Variants in ID3 observed in about 807,000 individuals in gnomAD.
ID3 encodes the protein DNA-binding protein inhibitor ID-3.
In ID3, 4 loss-of-function variants were observed where a neutral mutation model predicts 9.6. The ratio of observed to expected loss-of-function variants is 0.42; its 90% CI spans 0.21 to 0.96. The LOEUF (loss-of-function observed/expected upper bound fraction) is 0.96. Ranked by LOEUF, ID3 falls within the 40% of genes least tolerant of loss-of-function variation. ID3 has a pLI of 0.30. For synonymous variants in ID3, 108 were observed against 75.2 expected, an observed-to-expected ratio of 1.44 and a Z score of -2.26; for missense variants, 191 against 164.5, an observed-to-expected ratio of 1.16 and a Z score of -0.88.
intron 2 of ID3, chr1:23,558,636 GC>G (rs1348971710): frequency 1.5e-5 from 4 of 272,682 alleles, no homozygotes; most frequent in Non-Finnish European, 2.8e-5. Flanking sequence ...CTGGGAGGGG[GC>G]TGCCGAAGAC....
chr1:23,558,711 G>T (rs1474734684), intron 2 of ID3: 2 of 551,612 alleles, frequency 3.6e-6, no homozygotes, highest in Admixed American at 3.1e-5. Context: ...TACTTTGCCA[G>T]ACCCTCGGCC....
At position 23,559,412 on chromosome 1, in the gene ID3, G is replaced by T; in HGVS notation, c.15C>A (p.Ser5Arg). ...CCGCCTCGTAGCAGCCGCGCACCGGGCTCAGCGCCTTCATGCTGGGGAGTG... is the reference window on the plus strand; with the variant it reads ...CCGCCTCGTAGCAGCCGCGCACCGGTCTCAGCGCCTTCATGCTGGGGAGTG... MKALSPVRGCYEAVC... is the reference protein window; with the variant it reads MKALRPVRGCYEAVC... Residue 5 changes from serine to arginine, a missense_variant, in exon 1 of 3, where the codon AGC (serine) becomes AGA (arginine). Coordinates refer to ENST00000374561, the MANE Select transcript of ID3 (RefSeq NM_002167.5). 1 of 1,612,144 alleles carries T rather than the reference G, an allele frequency of 6.2e-7. No individual in the cohort carries two copies. Among genetic ancestry groups the T allele is most frequent in the Non-Finnish European group, 8.5e-7 (1 of 1,179,412 alleles).
rs1166908601 is a variant in ID3, at chr1:23,558,299, G to A, written c.*142C>T. The A allele has an allele frequency of 6.6e-6, 1 of 152,646 alleles. No individual in the cohort carries two copies. The highest frequency in any genetic ancestry group is 1.5e-5 in the Non-Finnish European group (1 of 68,336). 9.5% of individuals were successfully genotyped at this position (152,646 alleles called of 1,614,324 possible). A position where few individuals can be genotyped will look rare whatever the true frequency, so the allele number is the denominator to read the frequency against. On this transcript the variant is annotated 3_prime_UTR_variant, in exon 3 of 3. Transcript: ENST00000374561. Reference sequence around the variant, plus strand: ...CCTGAGCACCAGGTTTAGTCTCCAGGAAGGGATTTGGTGAAGTCAAGTGGG... The same window carrying A: ...CCTGAGCACCAGGTTTAGTCTCCAGAAAGGGATTTGGTGAAGTCAAGTGGG...
rs1248207066 is a variant in ID3, at chr1:23,558,002, C to T, written c.*439G>A. On this transcript the variant is annotated 3_prime_UTR_variant, in exon 3 of 3. Coordinates refer to ENST00000374561, the MANE Select transcript of ID3 (RefSeq NM_002167.5). ...AAGTTTAATATACATCGCATTGTTA[C>T]AGAAAGTCACCTTCCTGTAAAAAAG... The T allele has an allele frequency of 6.6e-6, 1 of 152,582 alleles. No homozygotes were observed. Among genetic ancestry groups the T allele is most frequent in the Non-Finnish European group, 1.5e-5 (1 of 68,022 alleles). 9.5% of individuals were successfully genotyped at this position (152,582 alleles called of 1,614,324 possible).
At chr1:23,558,801 G>A (rs187334384) in intron 2 of ID3, 134 bp downstream of exon 2, 81 of 627,500 alleles carry the variant, frequency 1.3e-4, no homozygotes, top group African/African-American at 9.9e-4. Context: ...TTCATTTGAT[G>A]CAACCATGGG....
Position 23,559,180 on chromosome 1 carries a change from C to G in ID3, c.247G>C (p.Val83Leu), listed in dbSNP as rs1224429269. The G allele has an allele frequency of 6.2e-7, 1 of 1,614,216 alleles. No homozygotes were observed. Among genetic ancestry groups the G allele is most frequent in the Non-Finnish European group, 8.5e-7 (1 of 1,180,054 alleles). ...GGTCCAGGGGCTGGCTCGGCCAGGA[C>G]TACCTGCAGGTCGAGAATGTAGTCG... Reference protein sequence around the residue: ...VIDYILDLQVVLAEPAPGPPD... With the variant: ...VIDYILDLQVLLAEPAPGPPD... Residue 83 changes from valine to leucine, a missense_variant, in exon 1 of 3, where the codon GTC becomes CTC. Val to Leu is a conservative substitution (Grantham distance 32). Transcript: ENST00000374561.
chr1:23,558,925 A>G lies in ID3; in HGVS notation c.*25+10T>C, dbSNP rs1434870558. 6 of 1,587,354 alleles carry G rather than the reference A, an allele frequency of 3.8e-6. No individual in the cohort carries two copies. The African/African-American group carries it at 6.7e-5, about 18-fold the overall frequency. On this transcript the variant is annotated intron_variant, in intron 2 of 2. Coordinates refer to ENST00000374561, the MANE Select transcript of ID3 (RefSeq NM_002167.5). ...TTTAAACCTCCCTCTCCAAGAGAGGAGATACTCACCTGGAGGTGTCAGGAC... is the reference window on the plus strand; with the variant it reads ...TTTAAACCTCCCTCTCCAAGAGAGGGGATACTCACCTGGAGGTGTCAGGAC...
At position 23,559,200 on chromosome 1, in the gene ID3, T is replaced by C. The variant is rs772857805; in HGVS notation, c.227A>G (p.Tyr76Cys). 1 of 1,614,198 alleles carries C rather than the reference T, an allele frequency of 6.2e-7. No homozygotes were observed. The highest frequency in any genetic ancestry group is 8.5e-7 in the Non-Finnish European group (1 of 1,180,028). ...CAGGACTACCTGCAGGTCGAGAATG[T>C]AGTCGATGACGCGCTGTAGGATTTC... ...QVEILQRVID[Y>C]ILDLQVVLAE... The change falls in exon 1 of 3, where the codon TAC (tyrosine) becomes TGC (cysteine). Residue 76 changes from tyrosine to cysteine, a missense_variant. Tyr to Cys is a radical substitution (Grantham distance 194). Transcript: ENST00000374561.
rs1242124130 is a variant in ID3, at chr1:23,559,214, C to T, written c.213G>A (p.Gln71=). Residue 71 remains glutamine, a synonymous_variant, in exon 1 of 3, where the codon CAG becomes CAA. Transcript: ENST00000374561. Reference sequence around the variant, plus strand: ...GGTCGAGAATGTAGTCGATGACGCGCTGTAGGATTTCCACCTGGCTAAGCT... The same window carrying T: ...GGTCGAGAATGTAGTCGATGACGCGTTGTAGGATTTCCACCTGGCTAAGCT... ...GTQLSQVEIL[Q]RVIDYILDLQ... 9.9e-6 allele frequency: 16 copies of T among 1,614,094 alleles called. No homozygotes were observed. Among genetic ancestry groups the T allele is most frequent in the Non-Finnish European group, 1.3e-5 (15 of 1,180,046 alleles).
rs948264303 is a variant in ID3 at position 23,558,129 on chromosome 1, T to G, written c.*312A>C. 3 of 152,610 alleles carry G rather than the reference T, an allele frequency of 2.0e-5. No individual in the cohort carries two copies. Among genetic ancestry groups the G allele is most frequent in the Non-Finnish European group, 4.4e-5 (3 of 68,130 alleles). The allele number at this position is 152,610 out of a possible 1,614,324, so 9.5% of individuals were successfully genotyped here. On this transcript the variant is annotated 3_prime_UTR_variant, in exon 3 of 3. Transcript: ENST00000374561. ...CAGCTCTGCCGCCGCCTTGGCATAG[T>G]TTGGAGAGCAGCCACTCCTTCCACA...
Position 23,559,304 on chromosome 1 carries a change from C to G in ID3, c.123G>C (p.Leu41=), listed in dbSNP as rs142720912. ...GGGAGTAGCAGTGGTTCATGTCGTC[C>G]AGCAAGCTCAGCGGCTCCTCAGCTG... ...GPAAEEPLSL[L]DDMNHCYSRL... The change falls in exon 1 of 3, where the codon CTG becomes CTC. Residue 41 remains leucine, a synonymous_variant. Coordinates refer to ENST00000374561, the MANE Select transcript of ID3 (RefSeq NM_002167.5). 299 of 1,613,952 alleles carry G rather than the reference C, an allele frequency of 1.9e-4. 4 individuals carry two copies. The Middle Eastern group carries it at 0.012, about 62-fold the overall frequency.
Position 23,559,109 on chromosome 1 carries a change from C to A in ID3, c.300+18G>T, listed in dbSNP as rs377603935. On this transcript the variant is annotated intron_variant, in intron 1 of 2. Coordinates refer to ENST00000374561, the MANE Select transcript of ID3 (RefSeq NM_002167.5). ...TCCTTGCCTGGGTGTTCAGCCCTGT[C>A]CCGACTTCGAGGCTTACCTGGATGG... 2.5e-6 allele frequency: 4 copies of A among 1,613,366 alleles called. No individual in the cohort carries two copies. In the African/African-American group the frequency reaches 5.3e-5, roughly 22 times the overall value.
chr1:23,558,778 A>G (rs2124329051), intron 2 of ID3, 157 bp downstream of exon 2: 2 of 611,410 alleles, frequency 3.3e-6, no homozygotes, highest in East Asian at 2.8e-5. Context: ...TCACATGGAA[A>G]CTGACTCTGC....
chr1:23,558,047 TA>T lies in ID3; in HGVS notation c.*393del, dbSNP rs1368250298. On this transcript the variant is annotated 3_prime_UTR_variant, in exon 3 of 3. Transcript: ENST00000374561. ...AAAAAGGTACAAAACCTATATACTC[TA>T]TTATAGAGTTCATAAATCAGGGCAA... 6.6e-6 allele frequency: 1 copy of T among 152,596 alleles called. No homozygotes were observed. The highest frequency in any genetic ancestry group is 2.4e-5 in the African/African-American group (1 of 41,428). The allele number at this position is 152,596 out of a possible 1,614,324, so 9.5% of individuals were successfully genotyped here.
rs528089188 is a variant in ID3, at chr1:23,559,135, G to A, written c.292C>T (p.Pro98Ser). ...APGPPDGPHL[P>S]IQTAELTPEL... Reference sequence around the variant, plus strand: ...CCGACTTCGAGGCTTACCTGGATGGGAAGGTGGGGGCCATCAGGGGGTCCA... The same window carrying A: ...CCGACTTCGAGGCTTACCTGGATGGAAAGGTGGGGGCCATCAGGGGGTCCA... Residue 98 changes from proline (P) to serine (S), a missense_variant, in exon 1 of 3, where the codon CCC becomes TCC. Transcript: ENST00000374561. The A allele has an allele frequency of 5.7e-5, 92 of 1,613,908 alleles. 5 individuals are homozygous for A. In the South Asian group the frequency reaches 1.0e-3, roughly 18 times the overall value.
In ID3 at chr1:23,558,966, G is replaced by A. The variant is rs1193971504; in HGVS notation, c.354C>T (p.Cys118=). ...GTGTCAGGACACGGCCGAGTCAGTG[G>A]CAAAAGCTCCTTTTGTCGTTGGAGA... ...LVISNDKRSF[C]H is the part of the protein sequence containing the mutation. The change falls in exon 2 of 3, where the codon TGC becomes TGT. Residue 118 remains cysteine, a synonymous_variant. Coordinates refer to ENST00000374561, the MANE Select transcript of ID3 (RefSeq NM_002167.5). 7.4e-6 allele frequency: 12 copies of A among 1,613,926 alleles called. No individual in the cohort carries two copies. The highest frequency in any genetic ancestry group is 1.0e-5 in the Non-Finnish European group (12 of 1,179,834).
In ID3 at chr1:23,559,010, G is replaced by A. The variant is rs757505053; in HGVS notation, c.310C>T (p.Leu104Phe). 4 of 1,614,154 alleles carry A rather than the reference G, an allele frequency of 2.5e-6. No individual in the cohort carries two copies. Among genetic ancestry groups the A allele is most frequent in the East Asian group, 2.2e-5 (1 of 44,882 alleles). The change falls in exon 2 of 3, where the codon CTC becomes TTC. Residue 104 changes from leucine to phenylalanine, a missense_variant. Physicochemically the swap from Leu to Phe is conservative, Grantham distance 22 (BLOSUM62 0). Coordinates refer to ENST00000374561, the MANE Select transcript of ID3 (RefSeq NM_002167.5). ...TTGGAGATGACAAGTTCCGGAGTGA[G>A]CTCGGCTGTCTGATTAGAGGAAAAG... ...GPHLPIQTAE[L>F]TPELVISNDK...
At position 23,559,226 on chromosome 1, in the gene ID3, C is replaced by T. The variant is rs140027264; in HGVS notation, c.201G>A (p.Val67=). Residue 67 remains valine, a synonymous_variant, in exon 1 of 3, where the codon GTG becomes GTA. Coordinates refer to ENST00000374561, the MANE Select transcript of ID3 (RefSeq NM_002167.5). Reference sequence around the variant, plus strand: ...AGTCGATGACGCGCTGTAGGATTTCCACCTGGCTAAGCTGAGTGCCTCTCG... The same window carrying T: ...AGTCGATGACGCGCTGTAGGATTTCTACCTGGCTAAGCTGAGTGCCTCTCG... The part of the protein sequence containing the change: ...GVPRGTQLSQ[V]EILQRVIDYI... 62 of 1,614,108 alleles carry T rather than the reference C, an allele frequency of 3.8e-5. No individual in the cohort carries two copies. The Admixed American group carries it at 5.3e-4, about 14-fold the overall frequency.
chr1:23,558,767 A>G (rs1643679751), intron 2 of ID3, 168 bp downstream of exon 2: 6 of 603,076 alleles, frequency 9.9e-6, no homozygotes, highest in South Asian at 9.9e-5. Context: ...TTAAATGCAC[A>G]TCACATGGAA....
Sources: allele counts gnomAD v4.1 joint callset, GRCh38; gene constraint gnomAD v4.1.1; transcripts MANE v1.5; gene names NCBI Gene and HGNC (gene_info 2026-07-23, HGNC 2026-07-21).